Variants in SV2B observed in about 807,000 individuals in gnomAD.
The protein encoded by SV2B is synaptic vesicle glycoprotein 2B.
A neutral mutation model predicts 73.9 loss-of-function variants in SV2B; 41 were observed. The observed-to-expected ratio is 0.56, with a 90% confidence interval of 0.43 to 0.72. The LOEUF (loss-of-function observed/expected upper bound fraction) is 0.72, where lower values mean the gene tolerates loss of function less well. Among genes scored for constraint, SV2B ranks in the 30% least tolerant of loss-of-function variants. The pLI is 0.00. For missense variants in SV2B, 764 were observed against 857.8 expected (o/e 0.89, Z 1.37); for synonymous variants, 314 against 314.2 (o/e 1.00, Z 0.01).
chr15:91,235,186 T>A (rs569243238), intron 2 of SV2B, among the ~76,000 whole-genome samples: 1 of 152,306 alleles, frequency 6.6e-6, no homozygotes, highest in South Asian at 2.1e-4. Context: ...TCTTTAGAGG[T>A]AATAGTAGAA....
intron 2 of SV2B, among the ~76,000 whole-genome samples, chr15:91,237,003 C>T (rs2046810895): frequency 6.6e-6 from 1 of 151,628 alleles, no homozygotes; most frequent in African/African-American, 2.4e-5. Flanking sequence ...AAGCAGAAGC[C>T]TTTTGTGACT....
rs914370071 is a variant in SV2B, at chr15:91,281,986, C to T, written c.1507+125C>T. ...GTATTCGTAGATACAAATGCCAAGC[C>T]TTGGTGGGGAAATGGATTTTAGCCC... is the stretch of plus-strand genomic sequence containing the variant. On this transcript the variant is annotated intron_variant, in intron 10 of 12. Transcript: ENST00000394232. This position sits in a 1 kb window ranked among gnomAD's most constrained non-coding sequence, Gnocchi z 4.7. 132 of 1,170,992 alleles carry T rather than the reference C, an allele frequency of 1.1e-4. No individual in the cohort carries two copies. The highest frequency in any genetic ancestry group is 1.9e-4 in the Admixed American group (7 of 37,686). The allele number at this position is 1,170,992 out of a possible 1,614,324, so 72.5% of individuals were successfully genotyped here.
At chr15:91,107,095 G>GGAGA (rs377155192) in intron 1 of SV2B, among the ~76,000 whole-genome samples, 3 of 151,414 alleles carry the variant, frequency 2.0e-5, no homozygotes, top group South Asian at 4.2e-4. Flanking sequence ...TGTGTGTGAG[G>GGAGA]GAGAGAGAGA....
intron 1 of SV2B, among the ~76,000 whole-genome samples, chr15:91,149,283 T>C (rs1390656628): frequency 6.6e-6 from 1 of 152,102 alleles, no homozygotes; most frequent in African/African-American, 2.4e-5. Flanking sequence ...TGCTCTTTAG[T>C]AGTAAGATGA....
rs916568119 is a variant in SV2B at position 91,235,174 on chromosome 15, A to G, written c.451+8460A>G. 2.6e-5 allele frequency among the ~76,000 whole-genome samples: 4 copies of G among 152,232 alleles called. No homozygotes were observed. In the East Asian group the frequency reaches 7.7e-4, roughly 29 times the overall value. Reference sequence around the variant, plus strand: ...GAAAGAAATATGCAATTCCTAAACTAGTCTTTAGAGGTAATAGTAGAAGCC... The same window carrying G: ...GAAAGAAATATGCAATTCCTAAACTGGTCTTTAGAGGTAATAGTAGAAGCC... On this transcript the variant is annotated intron_variant, in intron 2 of 12. Coordinates refer to ENST00000394232, the MANE Select transcript of SV2B (RefSeq NM_001323032.3).
At chr15:91,291,058 G>A (rs1327297252) in intron 12 of SV2B, among the ~76,000 whole-genome samples, 1 of 147,742 alleles carries the variant, frequency 6.8e-6, no homozygotes, top group African/African-American at 2.5e-5. Context: ...ATATAATTAT[G>A]ATAATACATA....
intron 1 of SV2B, among the ~76,000 whole-genome samples, chr15:91,116,582 CA>C (rs1453825041): frequency 1.4e-4 from 22 of 152,282 alleles, no homozygotes; most frequent in Non-Finnish European, 5.9e-5. Context: ...ACTCAAAGTT[CA>C]GAGAAGGGTC....
Position 91,268,388 on chromosome 15 carries a change from C to T in SV2B, c.1209-53C>T, listed in dbSNP as rs1479601292. ...TCAAGTCAAGAGTGTAGACCCTGAT[C>T]ATGAAAGAATGAATCCTGTTGTTGT... On this transcript the variant is annotated intron_variant, in intron 8 of 12. Coordinates refer to ENST00000394232, the MANE Select transcript of SV2B (RefSeq NM_001323032.3). This position sits in a 1 kb window ranked among gnomAD's most constrained non-coding sequence, Gnocchi z 4.4. The T allele has an allele frequency of 2.6e-6, 4 of 1,559,054 alleles. No homozygotes were observed. The African/African-American group carries it at 5.4e-5, about 21-fold the overall frequency.
At position 91,301,833 on chromosome 15, in the gene SV2B, A is replaced by C. The variant is rs2049453429; in HGVS notation, c.*9281A>C. 6.6e-6 allele frequency among the ~76,000 whole-genome samples: 1 copy of C among 152,230 alleles called. No homozygotes were observed. Among genetic ancestry groups the C allele is most frequent in the African/African-American group, 2.4e-5 (1 of 41,466 alleles). ...AATACTCCAGTGAGCTTTTCCTTGG[A>C]GTACACGTTGGCGCTCAAAAAGTTT... On this transcript the variant is annotated 3_prime_UTR_variant, in exon 13 of 13. Transcript: ENST00000394232. The surrounding 1 kb of genome is among the most constrained non-coding windows in gnomAD (Gnocchi z 4.3).
At chr15:91,163,944 G>T (rs558272971) in intron 1 of SV2B, among the ~76,000 whole-genome samples, 1 of 152,108 alleles carries the variant, frequency 6.6e-6, no homozygotes, top group East Asian at 1.9e-4. Flanking sequence ...TTTTGTATGA[G>T]GTGTAAGGAA....
chr15:91,125,124 G>T (rs1596445189), intron 1 of SV2B, among the ~76,000 whole-genome samples: 1 of 152,156 alleles, frequency 6.6e-6, no homozygotes, highest in East Asian at 1.9e-4. Flanking sequence ...TGTATGTTCA[G>T]ATTTTCTCTT....
chr15:91,160,825 T>C lies in SV2B; in HGVS notation c.-392+60462T>C, dbSNP rs115691761. ...ATTGATACACATTTAGAAAAAAAAA[T>C]AGATCCCTACCTCAAACCTCATAAA... On this transcript the variant is annotated intron_variant, in intron 1 of 12. Coordinates refer to ENST00000394232, the MANE Select transcript of SV2B (RefSeq NM_001323032.3). Among the ~76,000 whole-genome samples the C allele has an allele frequency of 7.7e-3, 1,172 of 151,908 alleles. 16 individuals carry two copies. Among genetic ancestry groups the C allele is most frequent in the African/African-American group, 0.027 (1,130 of 41,452 alleles).
At position 91,110,219 on chromosome 15, in the gene SV2B, G is replaced by A. The variant is rs2042000136; in HGVS notation, c.-392+9856G>A. On this transcript the variant is annotated intron_variant, in intron 1 of 12. Transcript: ENST00000394232. The surrounding 1 kb of genome is among the most constrained non-coding windows in gnomAD (Gnocchi z 5.4). ...CAGAATTGTAATTTATAAGAAAAGA[G>A]GTTTAATTGGCTCCTGGATTCATAC... Among the ~76,000 whole-genome samples, 1 of 152,176 alleles carries A rather than the reference G, an allele frequency of 6.6e-6. No homozygotes were observed. The highest frequency in any genetic ancestry group is 1.5e-5 in the Non-Finnish European group (1 of 68,028).
intron 1 of SV2B, among the ~76,000 whole-genome samples, chr15:91,221,693 G>GCGCACGCGCGCACACA (rs370290337): frequency 7.1e-6 from 1 of 140,068 alleles, no homozygotes; most frequent in Admixed American, 7.1e-5. Context: ...AAGCATGTGC[G>GCGCACGCGCGCACACA]CACACACACA....
In SV2B at chr15:91,258,397, C is replaced by CT; in HGVS notation, c.785-21dup. The CT allele has an allele frequency of 6.2e-7, 1 of 1,613,082 alleles. No individual in the cohort carries two copies. Among genetic ancestry groups the CT allele is most frequent in the Non-Finnish European group, 8.5e-7 (1 of 1,179,478 alleles). ...AGGAAAAGATCATGTCCCAGAAATCCTTTGACTGACTGCTCCTTTGCAGGC... is the reference window on the plus strand; with the variant it reads ...AGGAAAAGATCATGTCCCAGAAATCCTTTTGACTGACTGCTCCTTTGCAGGC... On this transcript the variant is annotated intron_variant, in intron 4 of 12. Coordinates refer to ENST00000394232, the MANE Select transcript of SV2B (RefSeq NM_001323032.3). The surrounding 1 kb of genome is among the most constrained non-coding windows in gnomAD (Gnocchi z 4.7).
At chr15:91,175,290 T>G (rs1354087292) in intron 1 of SV2B, among the ~76,000 whole-genome samples, 1 of 152,126 alleles carries the variant, frequency 6.6e-6, no homozygotes, top group Non-Finnish European at 1.5e-5. Context: ...AGTCTCGCTG[T>G]GTAGCCCAGG....
At chr15:91,222,279 C>G (rs2046245321) in intron 1 of SV2B, among the ~76,000 whole-genome samples, 2 of 152,190 alleles carry the variant, frequency 1.3e-5, no homozygotes, top group South Asian at 4.1e-4. Flanking sequence ...ATAATAGTCC[C>G]ACCTCATACG....
intron 1 of SV2B, among the ~76,000 whole-genome samples, chr15:91,153,428 C>A (rs868132317): frequency 1.3e-5 from 2 of 152,126 alleles, no homozygotes; most frequent in Admixed American, 1.3e-4. Context: ...GGTGCCACCA[C>A]GTTTTAGGTC....
chr15:91,270,816 G>A (rs9744182), intron 9 of SV2B, among the ~76,000 whole-genome samples: 15,019 of 101,334 alleles, frequency 0.15, 1,678 homozygotes, highest in African/African-American at 0.27. Context: ...GGATGATGGG[G>A]GGATGGTGAA....
Sources: allele counts gnomAD v4.1 joint callset (sites outside exome capture counted in the v4.1 genomes callset), GRCh38; gene constraint gnomAD v4.1.1; non-coding constraint Gnocchi (gnomAD v3.1); transcripts MANE v1.5; gene names NCBI Gene and HGNC (gene_info 2026-07-23, HGNC 2026-07-21).